Variants in USP46 observed in about 807,000 individuals in gnomAD.
USP46 encodes the protein ubiquitin carboxyl-terminal hydrolase 46.
USP46 carries 12 observed loss-of-function variants against 44.4 expected under a neutral mutation model. The observed-to-expected ratio is 0.27, with a 90% CI of 0.17 to 0.44. USP46 has a LOEUF of 0.44. USP46 is among the 20% of genes least tolerant of loss of function. USP46 has a pLI of 1.00. For missense variants in USP46, 248 were observed against 444.8 expected, an observed-to-expected ratio of 0.56 and a Z score of 3.98; for synonymous variants, 155 against 161.5, an observed-to-expected ratio of 0.96 and a Z score of 0.31.
chr4:52,624,881 C>A (rs1717516007), intron 4 of USP46, among the ~76,000 whole-genome samples: 1 of 152,156 alleles, frequency 6.6e-6, no homozygotes, highest in African/African-American at 2.4e-5. Flanking sequence ...AGGTCCTCAC[C>A]AAGAACCTGA....
At chr4:52,613,282 T>C (rs1216155593) in intron 4 of USP46, among the ~76,000 whole-genome samples, 1 of 152,186 alleles carries the variant, frequency 6.6e-6, no homozygotes, top group African/African-American at 2.4e-5. Context: ...CACCCATGCA[T>C]GGAATACACA....
At position 52,657,596 on chromosome 4, in the gene USP46, C is replaced by A. The variant is rs528565614; in HGVS notation, c.36+1519G>T. ...AGCTGCTCCCGATTCACAGTTCCCTCAGGAACTGGTCGTAGGAGAGAAACT... is the reference window on the plus strand; with the variant it reads ...AGCTGCTCCCGATTCACAGTTCCCTAAGGAACTGGTCGTAGGAGAGAAACT... On this transcript the variant is annotated intron_variant, in intron 1 of 8. Coordinates refer to ENST00000441222, the MANE Select transcript of USP46 (RefSeq NM_022832.4). 9.8e-4 allele frequency among the ~76,000 whole-genome samples: 150 copies of A among 152,342 alleles called. No homozygotes were observed. The South Asian group carries it at 0.03, about 30-fold the overall frequency.
In USP46 at chr4:52,596,406, T is replaced by C. The variant is rs1042701837; in HGVS notation, c.*1234A>G. 1.3e-5 allele frequency: 2 copies of C among 152,462 alleles called. No individual in the cohort carries two copies. The highest frequency in any genetic ancestry group is 1.9e-4 in the East Asian group (1 of 5,186). 9.4% of individuals were successfully genotyped at this position (152,462 alleles called of 1,614,324 possible). A position where few individuals can be genotyped will look rare whatever the true frequency, so the allele number is the denominator to read the frequency against. ...ATTCAAATGCTCTAATAAATACATATATAACAAAAGTGAAAAAAGTAACTA... is the reference window on the plus strand; with the variant it reads ...ATTCAAATGCTCTAATAAATACATACATAACAAAAGTGAAAAAAGTAACTA... On this transcript the variant is annotated 3_prime_UTR_variant, in exon 9 of 9. Transcript: ENST00000441222.
Position 52,596,695 on chromosome 4 carries a change from C to T in USP46, c.*945G>A, listed in dbSNP as rs1716258242. The T allele has an allele frequency of 6.6e-6, 1 of 152,454 alleles. No individual in the cohort carries two copies. The highest frequency in any genetic ancestry group is 2.4e-5 in the African/African-American group (1 of 41,404). The allele number at this position is 152,454 out of a possible 1,614,324, so 9.4% of individuals were successfully genotyped here. ...GCTGATGGCTGGAAAGATGTAGTAC[C>T]TTTGTTATTCCTGATAAGGAACAAT... On this transcript the variant is annotated 3_prime_UTR_variant, in exon 9 of 9. Transcript: ENST00000441222.
At chr4:52,630,988 TA>T in intron 2 of USP46, 75 bp downstream of exon 2, 1 of 1,261,192 alleles carries the variant, frequency 7.9e-7, no homozygotes, top group Non-Finnish European at 1.1e-6. Flanking sequence ...TTGGTAGTGA[TA>T]AAAATGCACT....
At chr4:52,629,024 T>C (rs1325866982) in intron 2 of USP46, among the ~76,000 whole-genome samples, 2 of 152,232 alleles carry the variant, frequency 1.3e-5, no homozygotes, top group Non-Finnish European at 2.9e-5. Flanking sequence ...CTTTAGAATT[T>C]GTTGTGCACA....
At position 52,632,969 on chromosome 4, in the gene USP46, AAAGAAAGAAAGAAAGAAAAGAAAAG is replaced by A. The variant is rs1560405981; in HGVS notation, c.37-1850_37-1826del. Among the ~76,000 whole-genome samples the A allele has an allele frequency of 4.4e-3, 364 of 82,976 alleles. 4 individuals carry two copies. The highest frequency in any genetic ancestry group is 0.019 in the African/African-American group (343 of 17,700). 54.4% of individuals were successfully genotyped at this position (82,976 alleles called of 152,430 possible). On this transcript the variant is annotated intron_variant, in intron 1 of 8. Transcript: ENST00000441222. ...GAAAGAAAGAAAGAAAGAAAGAAAG[AAAGAAAGAAAGAAAGAAAAGAAAAG>A]AAAGAAAGAAAGAAAGAAAGAAAGA...
intron 4 of USP46, 80 bp from the exon 5 acceptor site, chr4:52,610,697 G>A (rs778915191): frequency 3.1e-5 from 41 of 1,333,464 alleles, no homozygotes; most frequent in South Asian, 2.1e-4. Context: ...GGTAATCACC[G>A]ACTGCAATAA....
At chr4:52,609,894 ATTTCTTTTTTTTTTTTTTTTTTTTTT>A (rs1716864451) in intron 5 of USP46, among the ~76,000 whole-genome samples, 19 of 20,694 alleles carry the variant, frequency 9.2e-4, no homozygotes, top group Admixed American at 8.7e-3. Context: ...CCTCAATTCT[ATTTCTTTTTTTTTTTTTTTTTTTTTT>A]TTTTTTTTTT....
At chr4:52,635,904 CTG>C (rs1718095582) in intron 1 of USP46, among the ~76,000 whole-genome samples, 1 of 152,112 alleles carries the variant, frequency 6.6e-6, no homozygotes, top group Non-Finnish European at 1.5e-5. Flanking sequence ...GAGGATAAAG[CTG>C]TGTTGTTGAA....
intron 1 of USP46, among the ~76,000 whole-genome samples, chr4:52,644,656 G>A (rs1560411498): frequency 6.6e-6 from 1 of 150,532 alleles, no homozygotes; most frequent in Non-Finnish European, 1.5e-5. Context: ...CTCTGCCCAG[G>A]TTTGTGGAAA....
At chr4:52,642,662 G>T (rs1177225642) in intron 1 of USP46, among the ~76,000 whole-genome samples, 2 of 152,206 alleles carry the variant, frequency 1.3e-5, no homozygotes, top group African/African-American at 4.8e-5. Context: ...ACATAAAATT[G>T]AGGTTGGGAG....
chr4:52,642,944 A>G (rs1180911322), intron 1 of USP46, among the ~76,000 whole-genome samples: 1 of 152,198 alleles, frequency 6.6e-6, no homozygotes, highest in Non-Finnish European at 1.5e-5. Context: ...GAGAGAAAGA[A>G]AGTGCATATG....
At chr4:52,609,044 A>G (rs377392161) in intron 5 of USP46, among the ~76,000 whole-genome samples, 2 of 152,350 alleles carry the variant, frequency 1.3e-5, no homozygotes, top group Admixed American at 6.5e-5. Context: ...TCACAAGGAA[A>G]AAACATCTTT....
rs543269319 is a variant in USP46, at chr4:52,593,035, G to A, written c.*4605C>T. 11 of 397,892 alleles carry A rather than the reference G, an allele frequency of 2.8e-5. No homozygotes were observed. The highest frequency in any genetic ancestry group is 1.3e-4 in the South Asian group (1 of 7,628). The allele number at this position is 397,892 out of a possible 1,614,324, so 24.6% of individuals were successfully genotyped here. ...CCTCTTTTCTTCAGAAATGACCCAC[G>A]CTCAGGTATGTCTTTATAGCACTGC... On this transcript the variant is annotated 3_prime_UTR_variant, in exon 9 of 9. Coordinates refer to ENST00000441222, the MANE Select transcript of USP46 (RefSeq NM_022832.4).
intron 1 of USP46, among the ~76,000 whole-genome samples, chr4:52,638,378 C>G (rs1280256797): frequency 6.6e-6 from 1 of 152,090 alleles, no homozygotes; most frequent in East Asian, 1.9e-4. Flanking sequence ...CCCCTAGAGC[C>G]TCTGGAAGGT....
In USP46 at chr4:52,659,054, G is replaced by C; in HGVS notation, c.36+61C>G. The C allele has an allele frequency of 1.3e-6, 2 of 1,516,414 alleles. No individual in the cohort carries two copies. Among genetic ancestry groups the C allele is most frequent in the Admixed American group, 2.1e-5 (1 of 46,856 alleles). 93.9% of individuals were successfully genotyped at this position (1,516,414 alleles called of 1,614,324 possible). On this transcript the variant is annotated intron_variant, in intron 1 of 8. Coordinates refer to ENST00000441222, the MANE Select transcript of USP46 (RefSeq NM_022832.4). This position sits in a 1 kb window ranked among gnomAD's most constrained non-coding sequence, Gnocchi z 4.2. Reference sequence around the variant, plus strand: ...GCCACCGGGCGTGTGTGCAGCTCGGGCTTCCCTTTCTTTGCCTCGCCGCGA... The same window carrying C: ...GCCACCGGGCGTGTGTGCAGCTCGGCCTTCCCTTTCTTTGCCTCGCCGCGA...
intron 5 of USP46, among the ~76,000 whole-genome samples, chr4:52,609,141 C>T (rs951289356): frequency 2.0e-5 from 3 of 152,168 alleles, no homozygotes; most frequent in Non-Finnish European, 4.4e-5. Context: ...TATAACTCAG[C>T]TACCATACAA....
chr4:52,639,212 C>T (rs1718237612), intron 1 of USP46, among the ~76,000 whole-genome samples: 1 of 152,086 alleles, frequency 6.6e-6, no homozygotes, highest in African/African-American at 2.4e-5. Context: ...ATCCTTCAAC[C>T]CTGCAATTTG....
Sources: allele counts gnomAD v4.1 joint callset (sites outside exome capture counted in the v4.1 genomes callset), GRCh38; gene constraint gnomAD v4.1.1; non-coding constraint Gnocchi (gnomAD v3.1); transcripts MANE v1.5; gene names NCBI Gene and HGNC (gene_info 2026-07-23, HGNC 2026-07-21).